NTM: variants seen among roughly 807,000 people sequenced by gnomAD.
The protein encoded by NTM is IgLON family member 2.
In NTM, 13 loss-of-function variants were observed where a neutral mutation model predicts 42.1. The observed-to-expected ratio is 0.31, with a 90% CI of 0.20 to 0.49. The LOEUF is 0.49. Among genes scored for constraint, NTM ranks in the 20% least tolerant of loss-of-function variants. The pLI is 0.99. For missense variants in NTM, 373 were observed against 452.8 expected (o/e 0.82, Z 1.60); for synonymous variants, 187 against 179.2 (o/e 1.04, Z -0.35).
At chr11:132,055,034 AC>A (rs1315379379) in intron 2 of NTM, among the ~76,000 whole-genome samples, 5 of 152,124 alleles carry the variant, frequency 3.3e-5, no homozygotes, top group Non-Finnish European at 5.9e-5. Flanking sequence ...GCTTTTGAAA[AC>A]CACTGTTACA....
At chr11:131,422,605 C>A (rs185591469) in intron 1 of NTM, among the ~76,000 whole-genome samples, 174 of 152,344 alleles carry the variant, frequency 1.1e-3, no homozygotes, top group African/African-American at 4.0e-3. Context: ...ATCCTCCCCG[C>A]TCCAAATCAT....
rs575043784 is a variant in NTM at position 132,121,470 on chromosome 11, G to A, written c.168-24812G>A. Among the ~76,000 whole-genome samples the A allele has an allele frequency of 9.2e-5, 14 of 152,196 alleles. 1 individual carries two copies. The South Asian group carries it at 2.5e-3, about 27-fold the overall frequency. ...AGGAGATGAGGGACAAATGGAAAAT[G>A]CCCCAGCTCCATTTATTTAAGTAAA... On this transcript the variant is annotated intron_variant, in intron 2 of 8. Transcript: ENST00000683400.
At chr11:131,604,766 G>T (rs2137461738) in intron 1 of NTM, among the ~76,000 whole-genome samples, 1 of 150,280 alleles carries the variant, frequency 6.7e-6, no homozygotes, top group Middle Eastern at 3.5e-3. Context: ...TCTTTCCTTT[G>T]TATGTGGATC....
At chr11:131,416,560 A>G (rs1375101) in intron 1 of NTM, among the ~76,000 whole-genome samples, 262 of 152,302 alleles carry the variant, frequency 1.7e-3, no homozygotes, top group African/African-American at 5.9e-3. Flanking sequence ...TAGACTTACC[A>G]GCAAAATCAG....
intron 3 of NTM, among the ~76,000 whole-genome samples, chr11:132,184,521 A>G (rs937909761): frequency 6.6e-6 from 1 of 152,120 alleles, no homozygotes; most frequent in African/African-American, 2.4e-5. Context: ...GAGGCAGGAC[A>G]CAGGAAATTC....
intron 1 of NTM, among the ~76,000 whole-genome samples, chr11:131,407,835 C>CT (rs1356852371): frequency 2.0e-5 from 3 of 152,148 alleles, no homozygotes; most frequent in African/African-American, 7.2e-5. Context: ...TTTCTCTGAG[C>CT]AAATATGCCA....
At chr11:131,797,787 T>A (rs1238381904) in intron 1 of NTM, among the ~76,000 whole-genome samples, 2 of 152,310 alleles carry the variant, frequency 1.3e-5, no homozygotes, top group East Asian at 3.9e-4. Flanking sequence ...TTTCAACAGA[T>A]ATTAAGTAAT....
At chr11:131,609,723 C>T (rs2061319331) in intron 1 of NTM, among the ~76,000 whole-genome samples, 1 of 152,208 alleles carries the variant, frequency 6.6e-6, no homozygotes, top group Non-Finnish European at 1.5e-5. Flanking sequence ...AATAACTACT[C>T]TCCTTTATTC....
chr11:131,629,369 C>T (rs947586537), intron 1 of NTM, among the ~76,000 whole-genome samples: 20 of 152,172 alleles, frequency 1.3e-4, no homozygotes, highest in Admixed American at 3.3e-4. Context: ...AAGAAGCTGT[C>T]CTGTACCCAC....
intron 1 of NTM, among the ~76,000 whole-genome samples, chr11:131,479,233 A>C (rs1953283684): frequency 6.6e-6 from 1 of 152,242 alleles, no homozygotes; most frequent in African/African-American, 2.4e-5. Context: ...AAAAATGTAC[A>C]ACAGGCAATT....
At chr11:131,648,577 G>T (rs1024659673) in intron 1 of NTM, among the ~76,000 whole-genome samples, 7 of 152,152 alleles carry the variant, frequency 4.6e-5, no homozygotes, top group African/African-American at 1.7e-4. Flanking sequence ...CTTTAGAAAA[G>T]ATGATTTCAA....
intron 1 of NTM, among the ~76,000 whole-genome samples, chr11:131,780,210 G>T (rs1670253364): frequency 6.6e-6 from 1 of 152,170 alleles, no homozygotes; most frequent in Admixed American, 6.5e-5. Flanking sequence ...AGGAAGCAGA[G>T]AAACCAGTTA....
chr11:131,584,285 A>G (rs2058666645), intron 1 of NTM, among the ~76,000 whole-genome samples: 1 of 152,184 alleles, frequency 6.6e-6, no homozygotes, highest in Non-Finnish European at 1.5e-5. Flanking sequence ...TCAGCATCCG[A>G]CTTTTATGGC....
chr11:131,431,045 A>ATC (rs1336891657), intron 1 of NTM, among the ~76,000 whole-genome samples: 1 of 152,212 alleles, frequency 6.6e-6, no homozygotes, highest in Admixed American at 6.5e-5. Flanking sequence ...CAGCCGTTCC[A>ATC]CACAGTGTCG....
intron 7 of NTM, among the ~76,000 whole-genome samples, chr11:132,317,206 A>G (rs1225067320): frequency 6.6e-6 from 1 of 152,126 alleles, no homozygotes; most frequent in Non-Finnish European, 1.5e-5. Flanking sequence ...GCACTCCTGA[A>G]TCACAGTGCT....
At chr11:132,017,228 G>T (rs917503895) in intron 2 of NTM, among the ~76,000 whole-genome samples, 4 of 151,800 alleles carry the variant, frequency 2.6e-5, no homozygotes, top group South Asian at 4.1e-4. Flanking sequence ...AAGTTATGAA[G>T]ATTTTTCTTC....
chr11:132,288,502 T>C (rs565563680), intron 4 of NTM, among the ~76,000 whole-genome samples: 1 of 152,364 alleles, frequency 6.6e-6, no homozygotes, highest in South Asian at 2.1e-4. Context: ...TCAATTCATG[T>C]ATAGAACACC....
At chr11:131,400,668 A>G (rs1449028909) in intron 1 of NTM, among the ~76,000 whole-genome samples, 1 of 152,234 alleles carries the variant, frequency 6.6e-6, no homozygotes, top group South Asian at 2.1e-4. Context: ...TGACTAGAAT[A>G]GATACCAGAA....
At chr11:131,579,672 G>A (rs944684708) in intron 1 of NTM, among the ~76,000 whole-genome samples, 1 of 148,094 alleles carries the variant, frequency 6.8e-6, no homozygotes, top group Non-Finnish European at 1.5e-5. Context: ...TGCTGCCAAG[G>A]ACCAGAGAAT....
Sources: allele counts gnomAD v4.1 joint callset (sites outside exome capture counted in the v4.1 genomes callset), GRCh38; gene constraint gnomAD v4.1.1; transcripts MANE v1.5; gene names NCBI Gene and HGNC (gene_info 2026-07-23, HGNC 2026-07-21).